LSAMP: variants seen among roughly 807,000 people sequenced by gnomAD.
LSAMP encodes limbic system associated membrane protein.
A neutral mutation model predicts 38.6 loss-of-function variants in LSAMP; 7 were observed. The observed-to-expected ratio is 0.18, with a 90% CI of 0.10 to 0.34. The LOEUF (loss-of-function observed/expected upper bound fraction) is 0.34, where lower values mean the gene tolerates loss of function less well. Ranked by LOEUF, LSAMP falls within the 10% of genes least tolerant of loss-of-function variation. LSAMP has a pLI of 1.00. For missense variants in LSAMP, 313 were observed against 420.0 expected (o/e 0.75, Z 2.23); for synonymous variants, 154 against 166.8 (o/e 0.92, Z 0.59).
chr3:115,824,327 C>A (rs911501002), intron 6 of LSAMP, among the ~76,000 whole-genome samples: 1 of 152,068 alleles, frequency 6.6e-6, no homozygotes, highest in Admixed American at 6.6e-5. Context: ...GCACCTTGGC[C>A]CTTGTCTATG....
At chr3:116,441,844 C>T (rs2107891100) in intron 1 of LSAMP, among the ~76,000 whole-genome samples, 1 of 152,302 alleles carries the variant, frequency 6.6e-6, no homozygotes, top group Non-Finnish European at 1.5e-5. Context: ...GGAGGACCGC[C>T]AAGGCTGCTG....
intron 6 of LSAMP, 77 bp from the exon 7 acceptor site, chr3:115,810,491 G>A: frequency 1.0e-6 from 1 of 969,160 alleles, no homozygotes; most frequent in Non-Finnish European, 1.6e-6. Context: ...ACTGCTGATG[G>A]TATCAGAGGT....
intron 1 of LSAMP, among the ~76,000 whole-genome samples, chr3:116,237,285 T>A (rs992788720): frequency 3.3e-5 from 5 of 152,208 alleles, no homozygotes; most frequent in Non-Finnish European, 7.4e-5. Context: ...TATTGTAATA[T>A]GTGCAACTCT....
At chr3:116,401,236 T>A (rs908556422) in intron 1 of LSAMP, among the ~76,000 whole-genome samples, 1 of 152,208 alleles carries the variant, frequency 6.6e-6, no homozygotes, top group African/African-American at 2.4e-5. Flanking sequence ...CAGGCTGTAT[T>A]CAACATCTGG....
At chr3:116,172,215 C>T (rs1022261962) in intron 1 of LSAMP, among the ~76,000 whole-genome samples, 5 of 151,868 alleles carry the variant, frequency 3.3e-5, no homozygotes, top group African/African-American at 4.8e-5. Flanking sequence ...GCTGGCCATG[C>T]GCCAATTACA....
chr3:116,435,184 T>C (rs751274579), intron 1 of LSAMP, among the ~76,000 whole-genome samples: 2 of 152,164 alleles, frequency 1.3e-5, no homozygotes, highest in Non-Finnish European at 2.9e-5. Context: ...ATCCCTGGGT[T>C]ACTATAGCTT....
chr3:116,246,082 A>T (rs1429915208), intron 1 of LSAMP, among the ~76,000 whole-genome samples: 4 of 152,180 alleles, frequency 2.6e-5, no homozygotes, highest in Non-Finnish European at 5.9e-5. Flanking sequence ...GAAAAGTCAA[A>T]TAGGTCCGAC....
At chr3:116,006,344 T>C (rs1026702447) in intron 3 of LSAMP, among the ~76,000 whole-genome samples, 3 of 152,110 alleles carry the variant, frequency 2.0e-5, no homozygotes, top group African/African-American at 7.2e-5. Context: ...CATCGGAACC[T>C]GAGCATGCTG....
chr3:116,093,301 G>A (rs181799258), intron 1 of LSAMP, among the ~76,000 whole-genome samples: 1 of 152,248 alleles, frequency 6.6e-6, no homozygotes, highest in African/African-American at 2.4e-5. Context: ...CTACAATGCC[G>A]TGGACAGCCC....
At chr3:116,077,574 A>G (rs1175677158) in intron 2 of LSAMP, among the ~76,000 whole-genome samples, 6 of 152,152 alleles carry the variant, frequency 3.9e-5, no homozygotes, top group Non-Finnish European at 7.4e-5. Flanking sequence ...TAATCTTAAT[A>G]TCTGCCTTAA....
intron 1 of LSAMP, among the ~76,000 whole-genome samples, chr3:116,286,701 T>A (rs984388332): frequency 1.3e-5 from 2 of 152,168 alleles, no homozygotes; most frequent in East Asian, 3.9e-4. Context: ...CTAGTGATTT[T>A]AAACTATTTA....
At chr3:116,050,823 C>A (rs1480169613) in intron 2 of LSAMP, among the ~76,000 whole-genome samples, 1 of 152,010 alleles carries the variant, frequency 6.6e-6, no homozygotes, top group Non-Finnish European at 1.5e-5. Flanking sequence ...GTCTTTTTTC[C>A]AAGAACCATA....
chr3:116,073,610 C>T (rs904767181), intron 2 of LSAMP, among the ~76,000 whole-genome samples: 1 of 152,078 alleles, frequency 6.6e-6, no homozygotes, highest in East Asian at 1.9e-4. Context: ...TTGTAGTTCT[C>T]CTTGAAGAGG....
chr3:116,171,112 T>A (rs190368059), intron 1 of LSAMP, among the ~76,000 whole-genome samples: 149 of 152,282 alleles, frequency 9.8e-4, no homozygotes, highest in Non-Finnish European at 7.5e-4. Flanking sequence ...TCTCTGTGCT[T>A]CAAATTCCTT....
chr3:115,820,244 A>T (rs569456226), intron 6 of LSAMP, among the ~76,000 whole-genome samples: 2 of 152,180 alleles, frequency 1.3e-5, no homozygotes, highest in Admixed American at 1.3e-4. Flanking sequence ...ACAACCTGGA[A>T]CCTATGATTT....
At chr3:116,094,919 C>T (rs1047020735) in intron 1 of LSAMP, among the ~76,000 whole-genome samples, 5 of 152,234 alleles carry the variant, frequency 3.3e-5, no homozygotes, top group Middle Eastern at 3.4e-3. Flanking sequence ...AATGAGGTGA[C>T]GTACATAGAA....
At chr3:116,175,420 C>T (rs879306969) in intron 1 of LSAMP, among the ~76,000 whole-genome samples, 4 of 151,936 alleles carry the variant, frequency 2.6e-5, no homozygotes, top group Non-Finnish European at 5.9e-5. Flanking sequence ...CTATTTGAAA[C>T]AATGGAATAT....
At chr3:116,356,128 T>A (rs2048220095) in intron 1 of LSAMP, among the ~76,000 whole-genome samples, 1 of 152,184 alleles carries the variant, frequency 6.6e-6, no homozygotes, top group Non-Finnish European at 1.5e-5. Context: ...ATAACTGCAT[T>A]TCAATGTTTA....
Position 116,020,899 on chromosome 3 carries a change from T to C in LSAMP, c.389-1259A>G, listed in dbSNP as rs1279350583. On this transcript the variant is annotated intron_variant, in intron 2 of 6. Transcript: ENST00000490035. ...CAATAATGAATTGTATCTTTTCTCA[T>C]TCTTACTGCCCATTAGAGACTCTGT... 7.2e-5 allele frequency among the ~76,000 whole-genome samples: 11 copies of C among 152,316 alleles called. No homozygotes were observed. In the East Asian group the frequency reaches 2.1e-3, roughly 29 times the overall value.
Sources: gnomAD v4.1 joint callset for allele counts (sites outside exome capture counted in the v4.1 genomes callset) on GRCh38, gnomAD v4.1.1 for gene constraint, MANE v1.5 for transcripts, NCBI Gene and HGNC (gene_info 2026-07-23, HGNC 2026-07-21) for gene names.